TTYH2: variants seen among roughly 807,000 people sequenced by gnomAD.
TTYH2 encodes the protein tweety family member 2, also known as protein tweety homolog 2.
In TTYH2, 49 loss-of-function variants were observed where a neutral mutation model predicts 68.3. That is an observed-to-expected ratio of 0.72 (90% CI 0.57 to 0.91). TTYH2 has a LOEUF of 0.91. TTYH2 is among the 40% of genes least tolerant of loss of function. TTYH2 has a pLI of 0.00. For synonymous variants in TTYH2, 272 were observed against 300.8 expected (o/e 0.90, Z 0.99); for missense variants, 631 against 700.4 (o/e 0.90, Z 1.12).
intron 5 of TTYH2, among the ~76,000 whole-genome samples, 155 bp downstream of exon 5, chr17:74,243,624 C>T (rs1397819402): frequency 6.6e-6 from 1 of 152,192 alleles, no homozygotes; most frequent in African/African-American, 2.4e-5. Context: ...GCAGAGGAGA[C>T]AGACAGCAGC....
At chr17:74,227,366 T>C (rs6501703) in intron 2 of TTYH2, among the ~76,000 whole-genome samples, 152,328 of 152,344 alleles carry the variant, frequency 1, 76,156 homozygotes, top group Middle Eastern at 1. Context: ...GATGGGAAAA[T>C]GCTGGCTTCA....
chr17:74,213,830 C>T lies in TTYH2; in HGVS notation c.129+114C>T. On this transcript the variant is annotated intron_variant, in intron 1 of 13. Transcript: ENST00000269346. The surrounding 1 kb of genome is among the most constrained non-coding windows in gnomAD (Gnocchi z 6.1). ...GTGCCTCTCAGACCCCTTCTCTCCCCGCGCAGCCCTTTCCCGTCTCCCCTC... is the reference window on the plus strand; with the variant it reads ...GTGCCTCTCAGACCCCTTCTCTCCCTGCGCAGCCCTTTCCCGTCTCCCCTC... 1 of 1,333,346 alleles carries T rather than the reference C, an allele frequency of 7.5e-7. No individual in the cohort carries two copies. Among genetic ancestry groups the T allele is most frequent in the East Asian group, 2.8e-5 (1 of 36,242 alleles). The allele number at this position is 1,333,346 out of a possible 1,614,324, so 82.6% of individuals were successfully genotyped here.
intron 3 of TTYH2, among the ~76,000 whole-genome samples, chr17:74,231,514 C>G (rs2050389557): frequency 6.6e-6 from 1 of 151,812 alleles, no homozygotes; most frequent in African/African-American, 2.4e-5. Context: ...ATGGCAAAAC[C>G]CTGTCTGTAC....
intron 6 of TTYH2, among the ~76,000 whole-genome samples, chr17:74,246,715 A>T (rs971505731): frequency 3.3e-5 from 5 of 152,174 alleles, no homozygotes; most frequent in African/African-American, 1.2e-4. Flanking sequence ...GCTGATAAAG[A>T]CATACCCAAG....
rs777017417 is a variant in TTYH2 at position 74,241,934 on chromosome 17, G to A, written c.636-1440G>A. ...AAGGAACGAGGGCACTTTGTTTGGG[G>A]TCTTCTCAGTGTCCGTTGGCTTAAG... On this transcript the variant is annotated intron_variant, in intron 4 of 13. Coordinates refer to ENST00000269346, the MANE Select transcript of TTYH2 (RefSeq NM_032646.6). The surrounding 1 kb of genome is among the most constrained non-coding windows in gnomAD (Gnocchi z 4.1). 7.9e-5 allele frequency among the ~76,000 whole-genome samples: 12 copies of A among 152,202 alleles called. No homozygotes were observed. Among genetic ancestry groups the A allele is most frequent in the Non-Finnish European group, 1.6e-4 (11 of 68,042 alleles).
chr17:74,244,810 A>G (rs534553893), intron 6 of TTYH2, among the ~76,000 whole-genome samples: 34 of 152,168 alleles, frequency 2.2e-4, no homozygotes, highest in Non-Finnish European at 4.3e-4. Context: ...AGCAAGACTC[A>G]TAGGCAGATC....
In TTYH2 at chr17:74,259,980, C is replaced by T. The variant is rs2050731638; in HGVS notation, c.1525-149C>T. ...GCATTTTTTATTTGAGGCTGGGAGG[C>T]AGAAGTCTTGATGGATGTGGGGTGG... is the stretch of plus-strand genomic sequence containing the variant. On this transcript the variant is annotated intron_variant, in intron 13 of 13. Coordinates refer to ENST00000269346, the MANE Select transcript of TTYH2 (RefSeq NM_032646.6). The T allele has an allele frequency of 9.9e-6, 7 of 705,252 alleles. No individual in the cohort carries two copies. In the South Asian group the frequency reaches 1.1e-4, roughly 11 times the overall value. The allele number at this position is 705,252 out of a possible 1,614,324, so 43.7% of individuals were successfully genotyped here. A position where few individuals can be genotyped will look rare whatever the true frequency, so the allele number is the denominator to read the frequency against.
intron 13 of TTYH2, 40 bp downstream of exon 13, chr17:74,253,873 T>A: frequency 6.2e-7 from 1 of 1,603,842 alleles, no homozygotes; most frequent in East Asian, 2.2e-5. Flanking sequence ...GGGTAATACA[T>A]AAAGACAAAA....
chr17:74,253,206 G>A lies in TTYH2; in HGVS notation c.1385G>A (p.Ser462Asn). ...SFCSYSSGLGSQTSLQPPAQT... is the reference protein window; with the variant it reads ...SFCSYSSGLGNQTSLQPPAQT... Reference sequence around the variant, plus strand: ...TGCAGCTACAGCAGTGGCCTGGGAAGTCAGACCAGCCTGCAGCCCCCGGCC... The same window carrying A: ...TGCAGCTACAGCAGTGGCCTGGGAAATCAGACCAGCCTGCAGCCCCCGGCC... The change falls in exon 12 of 14, where the codon AGT becomes AAT. Residue 462 changes from serine (S) to asparagine (N), a missense_variant. Transcript: ENST00000269346. 1.2e-6 allele frequency: 2 copies of A among 1,613,664 alleles called. No individual in the cohort carries two copies. Among genetic ancestry groups the A allele is most frequent in the Non-Finnish European group, 1.7e-6 (2 of 1,179,850 alleles).
intron 6 of TTYH2, among the ~76,000 whole-genome samples, chr17:74,247,712 G>A (rs562984223): frequency 2.1e-4 from 32 of 152,352 alleles, no homozygotes; most frequent in South Asian, 1.9e-3. Flanking sequence ...ACTCCAGCCA[G>A]GGGGTGGGGG....
intron 2 of TTYH2, among the ~76,000 whole-genome samples, chr17:74,227,729 G>A (rs970067178): frequency 1.3e-4 from 19 of 150,876 alleles, no homozygotes; most frequent in Non-Finnish European, 2.1e-4. Context: ...ACAGAGATAC[G>A]TAAAGCATGC....
intron 3 of TTYH2, among the ~76,000 whole-genome samples, chr17:74,235,674 G>A (rs2050435886): frequency 6.6e-6 from 1 of 152,128 alleles, no homozygotes; most frequent in Non-Finnish European, 1.5e-5. Context: ...TGGATCACTT[G>A]AGGCCAGGAG....
chr17:74,224,485 C>A (rs78260260), intron 2 of TTYH2, among the ~76,000 whole-genome samples: 3,727 of 152,242 alleles, frequency 0.024, 75 homozygotes, highest in Middle Eastern at 0.071. Context: ...GTAAGAATGG[C>A]ATGAGGAGTC....
intron 10 of TTYH2, among the ~76,000 whole-genome samples, chr17:74,251,148 T>G (rs1195580966): frequency 6.6e-6 from 1 of 150,478 alleles, no homozygotes; most frequent in Non-Finnish European, 1.5e-5. Flanking sequence ...ATGTGATGTG[T>G]GTATGTATGT....
At position 74,261,345 on chromosome 17, in the gene TTYH2, T is replaced by A. The variant is rs2050748651; in HGVS notation, c.*1136T>A. The stretch of plus-strand genomic sequence containing the variant: ...TCCCTGTTCTAGGGGACTAGCCAAA[T>A]GCCTACATCAGCTGTCCCCTCCCTG... On this transcript the variant is annotated 3_prime_UTR_variant, in exon 14 of 14. Transcript: ENST00000269346. 6.6e-6 allele frequency: 1 copy of A among 152,202 alleles called. No homozygotes were observed. The highest frequency in any genetic ancestry group is 6.5e-5 in the Admixed American group (1 of 15,276). 9.4% of individuals were successfully genotyped at this position (152,202 alleles called of 1,614,324 possible).
In TTYH2 at chr17:74,217,513, A is replaced by T. The variant is rs2143710061; in HGVS notation, c.129+3797A>T. 6.6e-6 allele frequency among the ~76,000 whole-genome samples: 1 copy of T among 152,250 alleles called. No individual in the cohort carries two copies. The highest frequency in any genetic ancestry group is 2.1e-4 in the South Asian group (1 of 4,820). ...AGGCAGCAAGCCCATCCCAGCCGAG[A>T]TCTGAGAAGAGCTGAGGTTGGGATG... On this transcript the variant is annotated intron_variant, in intron 1 of 13. Coordinates refer to ENST00000269346, the MANE Select transcript of TTYH2 (RefSeq NM_032646.6). The surrounding 1 kb of genome is among the most constrained non-coding windows in gnomAD (Gnocchi z 4.0).
Position 74,222,668 on chromosome 17 carries a change from C to G in TTYH2, c.302+11C>G. 2 of 1,602,214 alleles carry G rather than the reference C, an allele frequency of 1.2e-6. No homozygotes were observed. The highest frequency in any genetic ancestry group is 1.7e-6 in the Non-Finnish European group (2 of 1,176,166). On this transcript the variant is annotated intron_variant, in intron 2 of 13. Transcript: ENST00000269346. The surrounding 1 kb of genome is among the most constrained non-coding windows in gnomAD (Gnocchi z 5.2). ...CGGGCTCATCTGCTGGTGAGTGTCC[C>G]TGGACGCTGGGCTTGGGGTGTGTGA...
At chr17:74,216,404 C>T (rs986618947) in intron 1 of TTYH2, among the ~76,000 whole-genome samples, 2 of 151,762 alleles carry the variant, frequency 1.3e-5, no homozygotes, top group African/African-American at 4.8e-5. Context: ...GTGGGTGGTG[C>T]GGGGGATCTC....
intron 8 of TTYH2, 68 bp downstream of exon 8, chr17:74,249,467 C>A: frequency 6.4e-7 from 1 of 1,562,694 alleles, no homozygotes; most frequent in Non-Finnish European, 8.8e-7. Flanking sequence ...AGCCTCACCA[C>A]TGACCAAGAT....
Sources: gnomAD v4.1 joint callset for allele counts (sites outside exome capture counted in the v4.1 genomes callset) on GRCh38, gnomAD v4.1.1 for gene constraint, Gnocchi (gnomAD v3.1) non-coding constraint, MANE v1.5 for transcripts, NCBI Gene and HGNC (gene_info 2026-07-23, HGNC 2026-07-21) for gene names.